Variants in PARVA observed in about 807,000 individuals in gnomAD.
PARVA encodes the protein alpha-parvin.
In PARVA, 25 loss-of-function variants were observed where a neutral mutation model predicts 52.6. That is an observed-to-expected ratio of 0.48 (90% confidence interval 0.35 to 0.66). The LOEUF (loss-of-function observed/expected upper bound fraction) is 0.66, where lower values mean the gene tolerates loss of function less well. Among genes scored for constraint, PARVA ranks in the 30% least tolerant of loss-of-function variants. The probability of loss-of-function intolerance (pLI) is 0.01; values close to 1 mark genes in which losing one functional copy is unlikely to be tolerated. For missense variants in PARVA, 373 were observed against 450.9 expected, an observed-to-expected ratio of 0.83 and a Z score of 1.56; for synonymous variants, 185 against 179.1, an observed-to-expected ratio of 1.03 and a Z score of -0.26.
intron 1 of PARVA, among the ~76,000 whole-genome samples, chr11:12,428,944 GTAT>G (rs1204589716): frequency 5.9e-5 from 9 of 152,182 alleles, no homozygotes; most frequent in African/African-American, 2.2e-4. Flanking sequence ...AGCATGATGT[GTAT>G]TATTAATCTA....
chr11:12,431,406 C>A (rs1940314748), intron 1 of PARVA, among the ~76,000 whole-genome samples: 1 of 152,234 alleles, frequency 6.6e-6, no homozygotes, highest in Middle Eastern at 3.2e-3. Context: ...GGCTCAGGCC[C>A]ACCACGTGGC....
chr11:12,476,058 G>A (rs974304843), intron 3 of PARVA, among the ~76,000 whole-genome samples: 2 of 152,158 alleles, frequency 1.3e-5, no homozygotes, highest in African/African-American at 4.8e-5. Flanking sequence ...TGCTAGAATG[G>A]GTATGCTACT....
In PARVA at chr11:12,496,516, G is replaced by A; in HGVS notation, c.459G>A (p.Gln153=). The part of the protein sequence containing the change: ...VAEVTQSEIA[Q]KQKLQTVLEK... ...AGGTCACCCAGTCAGAGATTGCTCA[G>A]AAGCAAAAACTGCAGACTGTCCTGG... The change falls in exon 5 of 13, where the codon CAG becomes CAA. Residue 153 remains glutamine (Q), a synonymous_variant. Transcript: ENST00000334956. The A allele has an allele frequency of 6.2e-7, 1 of 1,609,896 alleles. No individual in the cohort carries two copies. Among genetic ancestry groups the A allele is most frequent in the African/African-American group, 1.3e-5 (1 of 74,988 alleles).
At chr11:12,490,493 G>A (rs1453165996) in intron 4 of PARVA, among the ~76,000 whole-genome samples, 1 of 149,434 alleles carries the variant, frequency 6.7e-6, no homozygotes, top group Non-Finnish European at 1.5e-5. Context: ...CTCCAGCCTG[G>A]GTGATAGAGT....
At chr11:12,406,338 C>A (rs1262018965) in intron 1 of PARVA, among the ~76,000 whole-genome samples, 3 of 152,206 alleles carry the variant, frequency 2.0e-5, no homozygotes, top group Non-Finnish European at 4.4e-5. Flanking sequence ...TGGAGGATAA[C>A]CTCATTTACT....
chr11:12,411,971 C>T (rs1939998412), intron 1 of PARVA, among the ~76,000 whole-genome samples: 1 of 152,138 alleles, frequency 6.6e-6, no homozygotes, highest in African/African-American at 2.4e-5. Context: ...TCGACTCATC[C>T]CCCAGGAATG....
At chr11:12,377,895 T>G (rs1275664683) in intron 1 of PARVA, 112 bp downstream of exon 1, 2 of 575,520 alleles carry the variant, frequency 3.5e-6, no homozygotes, top group East Asian at 1.3e-4. Flanking sequence ...CCCGGCGCGG[T>G]GGGGCGCGCG....
chr11:12,517,003 G>A (rs974794238), intron 10 of PARVA, among the ~76,000 whole-genome samples: 1 of 152,066 alleles, frequency 6.6e-6, no homozygotes, highest in African/African-American at 2.4e-5. Context: ...AGCCCTGTGT[G>A]ACACTAGTCC....
chr11:12,500,673 C>T (rs1471951211), intron 5 of PARVA, among the ~76,000 whole-genome samples: 1 of 151,904 alleles, frequency 6.6e-6, no homozygotes, highest in Non-Finnish European at 1.5e-5. Flanking sequence ...TGCCTGTAAT[C>T]CCAGCTACTC....
intron 12 of PARVA, among the ~76,000 whole-genome samples, chr11:12,520,412 T>C (rs2135086000): frequency 6.6e-6 from 1 of 152,372 alleles, no homozygotes; most frequent in Middle Eastern, 3.4e-3. Flanking sequence ...ATGTGGGTAA[T>C]TCTTTGAGGG....
Position 12,523,168 on chromosome 11 carries a change from G to C in PARVA, c.1042+4651G>C, listed in dbSNP as rs184731015. Reference sequence around the variant, plus strand: ...AAAGCAAATGGCAAACTCACCACCAGATAGGGCAGTAGGTCACCACGAAAA... The same window carrying C: ...AAAGCAAATGGCAAACTCACCACCACATAGGGCAGTAGGTCACCACGAAAA... On this transcript the variant is annotated intron_variant, in intron 12 of 12. Coordinates refer to ENST00000334956, the MANE Select transcript of PARVA (RefSeq NM_018222.5). 3.2e-4 allele frequency among the ~76,000 whole-genome samples: 48 copies of C among 152,314 alleles called. 1 individual carries two copies. Among genetic ancestry groups the C allele is most frequent in the Admixed American group, 2.5e-3 (38 of 15,306 alleles).
rs1941787808 is a variant in PARVA at position 12,532,757 on chromosome 11, C to T, written c.*4832C>T. ...AGAAGCCTGCCACTCCAGGGCGCACCACGGAGGAGGATCCCCAGACAAGAA... is the reference window on the plus strand; with the variant it reads ...AGAAGCCTGCCACTCCAGGGCGCACTACGGAGGAGGATCCCCAGACAAGAA... On this transcript the variant is annotated 3_prime_UTR_variant, in exon 13 of 13. Transcript: ENST00000334956. Among the ~76,000 whole-genome samples, 1 of 152,170 alleles carries T rather than the reference C, an allele frequency of 6.6e-6. No homozygotes were observed. Among genetic ancestry groups the T allele is most frequent in the Non-Finnish European group, 1.5e-5 (1 of 68,032 alleles).
chr11:12,466,043 G>T lies in PARVA; in HGVS notation c.137-7702G>T, dbSNP rs141625846. On this transcript the variant is annotated intron_variant, in intron 1 of 12. Transcript: ENST00000334956. ...TTTTTTTTGGATTATAGCCATTCTA[G>T]TTGATGTCTAGTGATATCTCATTGG... Among the ~76,000 whole-genome samples the T allele has an allele frequency of 2.6e-3, 391 of 152,272 alleles. 1 individual carries two copies. Among genetic ancestry groups the T allele is most frequent in the African/African-American group, 8.9e-3 (370 of 41,580 alleles).
chr11:12,404,570 C>G (rs920999309), intron 1 of PARVA, among the ~76,000 whole-genome samples: 6 of 152,202 alleles, frequency 3.9e-5, no homozygotes, highest in African/African-American at 1.4e-4. Flanking sequence ...GTTGGGCTAT[C>G]CCTTCATGGG....
At chr11:12,496,345 A>AGAGTACGTGCATGCAT (rs1554901079) in intron 4 of PARVA, 113 bp from the exon 5 acceptor site, 2 of 861,990 alleles carry the variant, frequency 2.3e-6, no homozygotes, top group East Asian at 5.5e-5. Flanking sequence ...TATTGTTGCA[A>AGAGTACGTGCATGCAT]GAGTGCATGC....
chr11:12,473,667 C>T (rs917794923), intron 1 of PARVA, 78 bp from the exon 2 acceptor site: 6 of 1,072,224 alleles, frequency 5.6e-6, no homozygotes, highest in African/African-American at 1.6e-5. Context: ...ATGTCAATAT[C>T]GAACACCCTT....
In PARVA at chr11:12,513,302, G is replaced by A. The variant is rs1216380128; in HGVS notation, c.740G>A (p.Arg247His). The change falls in exon 9 of 13, where the codon CGT (arginine) becomes CAT (histidine). Residue 247 changes from arginine to histidine, a missense_variant. Transcript: ENST00000334956. ...NTEALSGRHERDAFDTLFDHA... is the reference protein window; with the variant it reads ...NTEALSGRHEHDAFDTLFDHA... ...ATTGTGTTTCCCTCTTTTTCAGAAC[G>A]TGATGCCTTTGACACCTTGTTCGAC... 10 of 1,613,266 alleles carry A rather than the reference G, an allele frequency of 6.2e-6. No homozygotes were observed. Among genetic ancestry groups the A allele is most frequent in the East Asian group, 2.2e-5 (1 of 44,888 alleles).
intron 3 of PARVA, among the ~76,000 whole-genome samples, chr11:12,475,224 A>T (rs541165922): frequency 7.2e-5 from 11 of 152,352 alleles, no homozygotes; most frequent in Admixed American, 1.3e-4. Context: ...TGGCTAATGC[A>T]GTCCACTCTG....
chr11:12,498,776 T>C (rs1271555602), intron 5 of PARVA, among the ~76,000 whole-genome samples: 1 of 152,060 alleles, frequency 6.6e-6, no homozygotes, highest in East Asian at 1.9e-4. Flanking sequence ...GAATTCGCCA[T>C]GGCCAGGCTG....
Sources: allele counts gnomAD v4.1 joint callset (sites outside exome capture counted in the v4.1 genomes callset), GRCh38; gene constraint gnomAD v4.1.1; transcripts MANE v1.5; gene names NCBI Gene and HGNC (gene_info 2026-07-23, HGNC 2026-07-21).